Variants in MME observed in about 807,000 individuals in gnomAD.
MME encodes the protein neprilysin.
Under a neutral mutation model 113.2 loss-of-function variants are expected in MME, and 98 were observed. The ratio of observed to expected loss-of-function variants is 0.87; its 90% CI spans 0.74 to 1.02. The LOEUF is 1.02. Among genes scored for constraint, MME ranks in the 50% least tolerant of loss-of-function variants. The pLI, the probability that MME is intolerant of heterozygous loss-of-function variation, is 0.00. For missense variants in MME, 836 were observed against 896.0 expected (o/e 0.93, Z 0.86); for synonymous variants, 292 against 300.6 (o/e 0.97, Z 0.30).
intron 1 of MME, among the ~76,000 whole-genome samples, 158 bp downstream of exon 1, chr3:155,080,624 G>A (rs1715048174): frequency 6.6e-6 from 1 of 152,032 alleles, no homozygotes; most frequent in African/African-American, 2.4e-5. Context: ...TCTCACAAGG[G>A]TTGGTCGGTG....
intron 8 of MME, among the ~76,000 whole-genome samples, chr3:155,131,394 C>A (rs1240108265): frequency 6.6e-6 from 1 of 152,124 alleles, no homozygotes; most frequent in African/African-American, 2.4e-5. Context: ...ACAGGCCCTG[C>A]AAGGGAAACT....
chr3:155,055,895 T>C (rs574520765), intron 1 of MME, among the ~76,000 whole-genome samples: 2 of 152,306 alleles, frequency 1.3e-5, no homozygotes, highest in African/African-American at 4.8e-5. Flanking sequence ...ATAGGGTTTT[T>C]GTATTATTTT....
intron 1 of MME, among the ~76,000 whole-genome samples, chr3:155,035,259 A>G (rs1371365029): frequency 1.3e-5 from 2 of 148,870 alleles, no homozygotes; most frequent in Admixed American, 1.3e-4. Flanking sequence ...TGTCTATAAT[A>G]TAAATATAAA....
chr3:155,115,175 G>C lies in MME; in HGVS notation c.358+20G>C, dbSNP rs199954990. The C allele has an allele frequency of 2.5e-6, 4 of 1,612,670 alleles. No homozygotes were observed. The highest frequency in any genetic ancestry group is 1.7e-4 in the Middle Eastern group (1 of 6,048). ...TGAAAGGTTAGTAGAGATTGTGTCTGTGCATCAAAGATTTCTCTCTTAATA... is the reference window on the plus strand; with the variant it reads ...TGAAAGGTTAGTAGAGATTGTGTCTCTGCATCAAAGATTTCTCTCTTAATA... On this transcript the variant is annotated intron_variant, in intron 4 of 22. Transcript: ENST00000360490.
chr3:155,175,395 A>G (rs1198507372), intron 22 of MME, among the ~76,000 whole-genome samples: 1 of 151,980 alleles, frequency 6.6e-6, no homozygotes, highest in Non-Finnish European at 1.5e-5. Flanking sequence ...ATTTAATCCA[A>G]AAACATTCTT....
In MME at chr3:155,085,021, T is replaced by C. The variant is rs761509638; in HGVS notation, c.161-38T>C. 9.1e-6 allele frequency: 13 copies of C among 1,431,538 alleles called. No homozygotes were observed. In the South Asian group the frequency reaches 1.7e-4, roughly 19 times the overall value. 88.7% of individuals were successfully genotyped at this position (1,431,538 alleles called of 1,614,324 possible). A position where few individuals can be genotyped will look rare whatever the true frequency, so the allele number is the denominator to read the frequency against. The stretch of plus-strand genomic sequence containing the variant: ...AGAAAAATAGAAATTTAAAAATTTG[T>C]GTTGCCAATATTTATGTATATTCTC... On this transcript the variant is annotated intron_variant, in intron 2 of 22. Transcript: ENST00000360490.
At chr3:155,174,121 T>G (rs913833272) in intron 22 of MME, among the ~76,000 whole-genome samples, 4 of 152,152 alleles carry the variant, frequency 2.6e-5, no homozygotes, top group African/African-American at 9.7e-5. Context: ...TCATTTCTTA[T>G]GTTCTGCACA....
chr3:155,053,782 C>T (rs1362359951), intron 1 of MME, among the ~76,000 whole-genome samples: 1 of 152,166 alleles, frequency 6.6e-6, no homozygotes, highest in Non-Finnish European at 1.5e-5. Context: ...GGAAGAATTA[C>T]TCTGAGGGCA....
intron 1 of MME, among the ~76,000 whole-genome samples, chr3:155,055,760 T>C (rs1713903459): frequency 6.6e-6 from 1 of 152,212 alleles, no homozygotes. Flanking sequence ...AGCCGTGTTC[T>C]GTTACCTGAA....
At position 155,160,412 on chromosome 3, in the gene MME, G is replaced by A. The variant is rs746784538; in HGVS notation, c.1624G>A (p.Val542Ile). The A allele has an allele frequency of 1.2e-5, 20 of 1,608,114 alleles. No homozygotes were observed. Among genetic ancestry groups the A allele is most frequent in the Non-Finnish European group, 1.7e-5 (20 of 1,175,050 alleles). The part of the protein sequence containing the change: ...KDEWISGAAV[V>I]NAFYSSGRNQ... Reference sequence around the variant, plus strand: ...CAGGTGGATAAGTGGAGCAGCTGTAGTCAATGCATTTTACTCTTCAGGAAG... The same window carrying A: ...CAGGTGGATAAGTGGAGCAGCTGTAATCAATGCATTTTACTCTTCAGGAAG... Residue 542 changes from valine (V) to isoleucine (I), a missense_variant, in exon 17 of 23, where the codon GTC (valine) becomes ATC (isoleucine). Coordinates refer to ENST00000360490, the MANE Select transcript of MME (RefSeq NM_007289.4).
At chr3:155,051,626 G>C (rs549149620) in intron 1 of MME, among the ~76,000 whole-genome samples, 23 of 152,278 alleles carry the variant, frequency 1.5e-4, no homozygotes, top group African/African-American at 4.6e-4. Flanking sequence ...CATGAGAACA[G>C]TGTGAGGGTA....
At position 155,148,805 on chromosome 3, in the gene MME, G is replaced by T. The variant is rs971204061; in HGVS notation, c.1601+152G>T. 4.0e-5 allele frequency: 26 copies of T among 652,664 alleles called. No homozygotes were observed. The African/African-American group carries it at 4.2e-4, about 11-fold the overall frequency. The allele number at this position is 652,664 out of a possible 1,614,324, so 40.4% of individuals were successfully genotyped here. ...GAACTTCTAAAAGCATCTAATTATG[G>T]TATACTAAAGATATGGATCAAGACT... On this transcript the variant is annotated intron_variant, in intron 16 of 22. Coordinates refer to ENST00000360490, the MANE Select transcript of MME (RefSeq NM_007289.4).
rs560643976 is a variant in MME at position 155,098,369 on chromosome 3, C to T, written c.196+13275C>T. Among the ~76,000 whole-genome samples, 10 of 152,168 alleles carry T rather than the reference C, an allele frequency of 6.6e-5. No homozygotes were observed. The South Asian group carries it at 8.3e-4, about 13-fold the overall frequency. On this transcript the variant is annotated intron_variant, in intron 3 of 22. Coordinates refer to ENST00000360490, the MANE Select transcript of MME (RefSeq NM_007289.4). ...AGGAGATCAAGACCATCCTGGCCAA[C>T]GTGGTGAAACCCCATCTCTACTAAA...
Position 155,142,325 on chromosome 3 carries a change from C to T in MME, c.1183C>T (p.Arg395Cys), listed in dbSNP as rs201459271. The T allele has an allele frequency of 6.8e-6, 11 of 1,612,190 alleles. No homozygotes were observed. The highest frequency in any genetic ancestry group is 1.7e-4 in the Middle Eastern group (1 of 6,058). ...RTYKESRNAF[R>C]KALYGTTSET... ...CTACAAGGAGTCCAGAAATGCTTTC[C>T]GCAAGGTGAAGAAAAAATCTCTCTT... Residue 395 changes from arginine to cysteine, a missense_variant, in exon 12 of 23, where the codon CGC (arginine) becomes TGC (cysteine). Transcript: ENST00000360490.
chr3:155,089,874 T>G (rs1559910615), intron 3 of MME: 2 of 452,318 alleles, frequency 4.4e-6, no homozygotes, highest in Non-Finnish European at 8.9e-6. Flanking sequence ...GGAGGAGAAT[T>G]GCTTGAACCC....
At position 155,150,943 on chromosome 3, in the gene MME, G is replaced by A. The variant is rs116158727; in HGVS notation, c.1601+2290G>A. Among the ~76,000 whole-genome samples, 602 of 152,154 alleles carry A rather than the reference G, an allele frequency of 4.0e-3. 4 individuals are homozygous for A. The highest frequency in any genetic ancestry group is 0.014 in the African/African-American group (577 of 41,500). On this transcript the variant is annotated intron_variant, in intron 16 of 22. Coordinates refer to ENST00000360490, the MANE Select transcript of MME (RefSeq NM_007289.4). ...TCGAAGCTCCTCTCATTTTATTAAG[G>A]TTTCTTGCAGGGAAAGTTACTGACT...
intron 8 of MME, among the ~76,000 whole-genome samples, chr3:155,137,455 C>G (rs1720719907): frequency 6.6e-6 from 1 of 152,120 alleles, no homozygotes. Context: ...GCCTGTAATC[C>G]CAGCACTTTG....
chr3:155,039,700 G>A (rs1290721918), intron 1 of MME, among the ~76,000 whole-genome samples: 1 of 151,958 alleles, frequency 6.6e-6, no homozygotes. Flanking sequence ...AACAAACAAT[G>A]AAGCATTTAG....
intron 3 of MME, among the ~76,000 whole-genome samples, chr3:155,108,920 G>A (rs2108235268): frequency 1.3e-5 from 2 of 152,224 alleles, no homozygotes; most frequent in South Asian, 4.1e-4. Flanking sequence ...GAGATCTTGT[G>A]GCTTGGAGGC....
Sources: gnomAD v4.1 joint callset for allele counts (sites outside exome capture counted in the v4.1 genomes callset) on GRCh38, gnomAD v4.1.1 for gene constraint, MANE v1.5 for transcripts, NCBI Gene and HGNC (gene_info 2026-07-23, HGNC 2026-07-21) for gene names.